CHIC1: variants seen among roughly 807,000 people sequenced by gnomAD.
CHIC1 encodes cysteine-rich hydrophobic domain-containing protein 1.
Under a neutral mutation model 18.5 loss-of-function variants are expected in CHIC1, and 7 were observed. That is an observed-to-expected ratio of 0.38 (90% CI 0.22 to 0.71). The LOEUF (loss-of-function observed/expected upper bound fraction) is 0.71. Ranked by LOEUF, CHIC1 falls within the 30% of genes least tolerant of loss-of-function variation. The pLI is 0.49. For missense variants in CHIC1, 159 were observed against 176.9 expected (o/e 0.90, Z 0.57); for synonymous variants, 77 against 73.5 (o/e 1.05, Z -0.25).
chrX:73,674,063 A>G (rs943708680), intron 3 of CHIC1, among the ~76,000 whole-genome samples: 3 of 111,937 alleles, frequency 2.7e-5, no homozygotes, highest in Non-Finnish European at 3.8e-5. Context: ...ATTGATTTGC[A>G]TATGTTGAAC....
chrX:73,606,383 C>G (rs1454271213), intron 3 of CHIC1, among the ~76,000 whole-genome samples: 1 of 106,634 alleles, frequency 9.4e-6, no homozygotes, highest in Non-Finnish European at 1.9e-5. Flanking sequence ...AGCAATTCCT[C>G]TAATTTTTTT....
chrX:73,598,831 C>T (rs2057625961), intron 3 of CHIC1, among the ~76,000 whole-genome samples: 1 of 110,443 alleles, frequency 9.1e-6, no homozygotes, highest in South Asian at 4.0e-4. Flanking sequence ...ATTTAGAGTT[C>T]TTTGGGTATA....
chrX:73,594,018 C>T (rs1445484879), intron 3 of CHIC1, among the ~76,000 whole-genome samples: 1 of 110,524 alleles, frequency 9.0e-6, no homozygotes, highest in African/African-American at 3.3e-5. Context: ...TTTTTTTCTG[C>T]TCTGGGGGTT....
intron 2 of CHIC1, among the ~76,000 whole-genome samples, chrX:73,582,039 T>G (rs2057530292): frequency 9.0e-6 from 1 of 110,623 alleles, no homozygotes; most frequent in Non-Finnish European, 1.9e-5. Context: ...AGTGGAGCTT[T>G]CTTTTCTAAG....
chrX:73,597,127 T>G (rs911148599), intron 3 of CHIC1, among the ~76,000 whole-genome samples: 1 of 112,194 alleles, frequency 8.9e-6, no homozygotes, highest in African/African-American at 3.2e-5. Context: ...AGTTCAGATT[T>G]ATGGAGATCC....
intron 3 of CHIC1, among the ~76,000 whole-genome samples, chrX:73,617,777 T>C (rs987905024): frequency 4.5e-5 from 5 of 111,460 alleles, no homozygotes; most frequent in Non-Finnish European, 9.4e-5. Flanking sequence ...CCACAACACA[T>C]GGGAATTAGG....
chrX:73,567,981 C>T (rs746464761), intron 1 of CHIC1, among the ~76,000 whole-genome samples: 14 of 111,375 alleles, frequency 1.3e-4, no homozygotes, highest in South Asian at 3.8e-4. Flanking sequence ...TTCTGATTCC[C>T]TATGAATCCT....
At chrX:73,625,700 G>T (rs376697325) in intron 3 of CHIC1, among the ~76,000 whole-genome samples, 2 of 111,112 alleles carry the variant, frequency 1.8e-5, no homozygotes, top group Admixed American at 1.9e-4. Context: ...TTTTTTAGCC[G>T]ACAGGGACTT....
chrX:73,633,002 C>A (rs1049953817), intron 3 of CHIC1, among the ~76,000 whole-genome samples: 6 of 109,560 alleles, frequency 5.5e-5, no homozygotes, highest in South Asian at 4.0e-4. Context: ...TCTCCTGACC[C>A]GTGATCCGCC....
intron 3 of CHIC1, among the ~76,000 whole-genome samples, chrX:73,595,425 T>C (rs961414218): frequency 6.3e-5 from 7 of 111,208 alleles, no homozygotes; most frequent in Non-Finnish European, 1.3e-4. Flanking sequence ...CATGCAGTGT[T>C]TGGTTTTCTG....
chrX:73,577,283 C>A, intron 1 of CHIC1, 124 bp from the exon 2 acceptor site: 1 of 414,981 alleles, frequency 2.4e-6, no homozygotes, highest in Non-Finnish European at 4.0e-6. Flanking sequence ...AAAAATTTTT[C>A]AGGGCACATT....
At chrX:73,581,000 A>G (rs755061903) in intron 2 of CHIC1, among the ~76,000 whole-genome samples, 2 of 111,513 alleles carry the variant, frequency 1.8e-5, no homozygotes, top group Non-Finnish European at 3.8e-5. Flanking sequence ...GAACAGATGT[A>G]TATACACAGA....
At chrX:73,654,063 C>A (rs1281878119) in intron 3 of CHIC1, among the ~76,000 whole-genome samples, 2 of 112,152 alleles carry the variant, frequency 1.8e-5, no homozygotes, top group Non-Finnish European at 3.8e-5. Flanking sequence ...GCTAAAACTT[C>A]TAGTAAAATT....
At chrX:73,603,157 T>C (rs1478156084) in intron 3 of CHIC1, among the ~76,000 whole-genome samples, 5 of 108,609 alleles carry the variant, frequency 4.6e-5, no homozygotes, top group Non-Finnish European at 9.4e-5. Context: ...ATGGAATGTT[T>C]TTCCATTTGT....
At chrX:73,669,512 C>T (rs1183383214) in intron 3 of CHIC1, among the ~76,000 whole-genome samples, 1 of 109,650 alleles carries the variant, frequency 9.1e-6, no homozygotes, top group African/African-American at 3.3e-5. Context: ...GCCCACCCCC[C>T]ACCACACTAT....
intron 3 of CHIC1, among the ~76,000 whole-genome samples, chrX:73,664,463 A>G (rs1331529090): frequency 1.8e-5 from 2 of 110,192 alleles, no homozygotes; most frequent in African/African-American, 3.3e-5. Flanking sequence ...AAGTTCCCCA[A>G]CTGTGGCTGC....
intron 3 of CHIC1, among the ~76,000 whole-genome samples, chrX:73,625,699 C>T (rs923739649): frequency 2.1e-4 from 23 of 111,043 alleles, no homozygotes; most frequent in Admixed American, 9.5e-4. Flanking sequence ...ATTTTTTAGC[C>T]GACAGGGACT....
At chrX:73,581,967 C>T (rs930666286) in intron 2 of CHIC1, among the ~76,000 whole-genome samples, 2 of 110,090 alleles carry the variant, frequency 1.8e-5, no homozygotes, top group African/African-American at 3.3e-5. Context: ...TTTTCTCTTC[C>T]CTCTTTTATT....
chrX:73,673,701 C>G (rs1274570297), intron 3 of CHIC1, among the ~76,000 whole-genome samples: 1 of 111,916 alleles, frequency 8.9e-6, no homozygotes, highest in African/African-American at 3.3e-5. Context: ...CAAACAGGGA[C>G]AATTTGACTT....
Sources: gnomAD v4.1 joint callset for allele counts (sites outside exome capture counted in the v4.1 genomes callset) on GRCh38, gnomAD v4.1.1 for gene constraint, MANE v1.5 for transcripts, NCBI Gene and HGNC (gene_info 2026-07-23, HGNC 2026-07-21) for gene names.